The following TNFSF13B variants were observed in gnomAD, a reference collection of about 807,000 sequenced individuals.
TNFSF13B encodes TNF superfamily member 13b, also known as tumor necrosis factor ligand superfamily member 13B.
In TNFSF13B, 8 loss-of-function variants were observed where a neutral mutation model predicts 29.1. The observed-to-expected ratio is 0.27, with a 90% CI of 0.16 to 0.50. The LOEUF (loss-of-function observed/expected upper bound fraction) is 0.50, where lower values mean the gene tolerates loss of function less well. TNFSF13B is among the 20% of genes least tolerant of loss of function. The pLI, the probability that TNFSF13B is intolerant of heterozygous loss-of-function variation, is 0.98. For missense variants in TNFSF13B, 248 were observed against 334.9 expected, an observed-to-expected ratio of 0.74 and a Z score of 2.03; for synonymous variants, 125 against 130.8, an observed-to-expected ratio of 0.96 and a Z score of 0.30.
At position 108,298,965 on chromosome 13, in the gene TNFSF13B, G is replaced by C; in HGVS notation, c.482-4288G>C. Among the ~76,000 whole-genome samples the C allele has an allele frequency of 1.4e-5, 2 of 144,704 alleles. 1 individual carries two copies. Among genetic ancestry groups the C allele is most frequent in the Non-Finnish European group, 3.1e-5 (2 of 65,334 alleles). 94.9% of individuals were successfully genotyped at this position (144,704 alleles called of 152,430 possible). ...AGCCTGGGCGACAGAGCAAGACTTG[G>C]GAAAAACAAACAAACAAACAAACAA... On this transcript the variant is annotated intron_variant, in intron 3 of 5. Transcript: ENST00000375887.
At chr13:108,290,248 A>G (rs2391631) in intron 3 of TNFSF13B, among the ~76,000 whole-genome samples, 32,138 of 152,154 alleles carry the variant, frequency 0.21, 4,062 homozygotes, top group East Asian at 0.42. Context: ...AAAGCAGCAT[A>G]GTATTCCATT....
At chr13:108,299,964 C>T (rs1252754531) in intron 3 of TNFSF13B, among the ~76,000 whole-genome samples, 32 of 152,078 alleles carry the variant, frequency 2.1e-4, no homozygotes, top group African/African-American at 2.4e-5. Flanking sequence ...GCACCAGTGA[C>T]ATTTACTAAG....
Position 108,270,081 on chromosome 13 carries a change from G to A in TNFSF13B, c.186G>A (p.Thr62=). The change falls in exon 1 of 6, where the codon ACG becomes ACA. Residue 62 remains threonine (T), a synonymous_variant. Transcript: ENST00000375887. ...LLLALLSCCL[T]VVSFYQVAAL... ...TGGCACTGCTGTCTTGCTGCCTCACGGTGGTGTCTTTCTACCAGGTGGCCG... is the reference window on the plus strand; with the variant it reads ...TGGCACTGCTGTCTTGCTGCCTCACAGTGGTGTCTTTCTACCAGGTGGCCG... The A allele has an allele frequency of 2.5e-6, 4 of 1,606,108 alleles. No individual in the cohort carries two copies. The highest frequency in any genetic ancestry group is 3.4e-6 in the Non-Finnish European group (4 of 1,179,964).
Position 108,303,576 on chromosome 13 carries a change from A to G in TNFSF13B, c.717A>G (p.Thr239=). ...LFRCIQNMPE[T]LPNNSCYSAG... ...GATGTATTCAAAATATGCCTGAAAC[A>G]CTACCCAATAATTCCTGCTATTCAG... Residue 239 remains threonine, a synonymous_variant, in exon 5 of 6, where the codon ACA becomes ACG. Coordinates refer to ENST00000375887, the MANE Select transcript of TNFSF13B (RefSeq NM_006573.5). 6.2e-7 allele frequency: 1 copy of G among 1,613,468 alleles called. No homozygotes were observed. The highest frequency in any genetic ancestry group is 1.3e-5 in the African/African-American group (1 of 75,002).
Position 108,307,940 on chromosome 13 carries a change from G to A in TNFSF13B, c.*1002G>A, listed in dbSNP as rs925408607. On this transcript the variant is annotated 3_prime_UTR_variant, in exon 6 of 6. Coordinates refer to ENST00000375887, the MANE Select transcript of TNFSF13B (RefSeq NM_006573.5). ...TAATTAAAATTCTTGGCATCCTGAA[G>A]TATGTCACATAGCATGTGCTCCTTA... 2 of 152,162 alleles carry A rather than the reference G, an allele frequency of 1.3e-5. No individual in the cohort carries two copies. Among genetic ancestry groups the A allele is most frequent in the Non-Finnish European group, 2.9e-5 (2 of 67,958 alleles). The allele number at this position is 152,162 out of a possible 1,614,324, so 9.4% of individuals were successfully genotyped here.
chr13:108,289,399 G>A (rs574765231), intron 3 of TNFSF13B, among the ~76,000 whole-genome samples: 3 of 152,074 alleles, frequency 2.0e-5, no homozygotes, highest in African/African-American at 7.2e-5. Context: ...AAATGTGAGT[G>A]TGCATGGGCA....
chr13:108,284,844 AAATAGGTTG>A (rs1357203550), intron 2 of TNFSF13B, among the ~76,000 whole-genome samples: 2 of 152,176 alleles, frequency 1.3e-5, no homozygotes, highest in Non-Finnish European at 2.9e-5. Flanking sequence ...AACTCTTTTA[AAATAGGTTG>A]AATGTGGCTA....
At chr13:108,278,128 T>C (rs1880809685) in intron 2 of TNFSF13B, among the ~76,000 whole-genome samples, 1 of 152,212 alleles carries the variant, frequency 6.6e-6, no homozygotes, top group Non-Finnish European at 1.5e-5. Context: ...CTATTGATTA[T>C]AAATTCTGAT....
chr13:108,290,382 G>A (rs943427747), intron 3 of TNFSF13B, among the ~76,000 whole-genome samples: 2 of 152,136 alleles, frequency 1.3e-5, no homozygotes, highest in African/African-American at 2.4e-5. Flanking sequence ...CAGCCTATGT[G>A]TGGGACAGAT....
intron 3 of TNFSF13B, among the ~76,000 whole-genome samples, chr13:108,291,839 T>C (rs1368191289): frequency 2.0e-5 from 3 of 152,074 alleles, no homozygotes; most frequent in Non-Finnish European, 4.4e-5. Context: ...GTATTGTTTT[T>C]CATGTTAACA....
At chr13:108,303,206 C>A in intron 3 of TNFSF13B, 47 bp from the exon 4 acceptor site, 1 of 1,331,506 alleles carries the variant, frequency 7.5e-7, no homozygotes, top group Non-Finnish European at 1.0e-6. Context: ...GAGGTGAAAA[C>A]TGCTTTTCTT....
intron 2 of TNFSF13B, among the ~76,000 whole-genome samples, chr13:108,273,396 A>G: frequency 6.6e-6 from 1 of 152,330 alleles, no homozygotes; most frequent in South Asian, 2.1e-4. Flanking sequence ...CTATTTTCTT[A>G]TTACTATCAT....
intron 2 of TNFSF13B, among the ~76,000 whole-genome samples, chr13:108,282,456 A>T (rs1354586281): frequency 6.6e-6 from 1 of 152,200 alleles, no homozygotes; most frequent in Non-Finnish European, 1.5e-5. Flanking sequence ...ATTAAATGGT[A>T]TTTAGACATT....
Position 108,306,948 on chromosome 13 carries a change from A to T in TNFSF13B, c.*10A>T. The T allele has an allele frequency of 6.8e-7, 1 of 1,469,560 alleles. No individual in the cohort carries two copies. The highest frequency in any genetic ancestry group is 9.3e-7 in the Non-Finnish European group (1 of 1,078,322). The allele number at this position is 1,469,560 out of a possible 1,614,324, so 91.0% of individuals were successfully genotyped here. ...ATTGAAACTGCTGTGACCTACTTAC[A>T]CCATGTCTGTAGCTATTTTCCTCCC... On this transcript the variant is annotated 3_prime_UTR_variant, in exon 6 of 6. Coordinates refer to ENST00000375887, the MANE Select transcript of TNFSF13B (RefSeq NM_006573.5).
intron 2 of TNFSF13B, among the ~76,000 whole-genome samples, chr13:108,272,235 C>T (rs1041175392): frequency 6.6e-6 from 1 of 152,074 alleles, no homozygotes; most frequent in African/African-American, 2.4e-5. Flanking sequence ...ACTGTCTCCA[C>T]TTGTCTGTCC....
In TNFSF13B at chr13:108,305,729, G is replaced by T. The variant is rs140556016; in HGVS notation, c.746-1097G>T. Among the ~76,000 whole-genome samples the T allele has an allele frequency of 2.0e-3, 307 of 152,206 alleles. 1 individual carries two copies. The highest frequency in any genetic ancestry group is 7.1e-3 in the African/African-American group (295 of 41,530). Reference sequence around the variant, plus strand: ...TTCTGTCTTTGCCCATTACAAAAAAGCATACCCAGTGGGGATGGAAATTCT... The same window carrying T: ...TTCTGTCTTTGCCCATTACAAAAAATCATACCCAGTGGGGATGGAAATTCT... On this transcript the variant is annotated intron_variant, in intron 5 of 5. Transcript: ENST00000375887.
At chr13:108,278,568 A>C (rs1199932141) in intron 2 of TNFSF13B, among the ~76,000 whole-genome samples, 5 of 5,412 alleles carry the variant, frequency 9.2e-4, no homozygotes, top group Admixed American at 4.5e-3. Flanking sequence ...CTTTCTTCCT[A>C]CCCCCTCCTC....
intron 2 of TNFSF13B, among the ~76,000 whole-genome samples, chr13:108,280,863 C>A (rs1264376131): frequency 6.6e-6 from 1 of 152,116 alleles, no homozygotes; most frequent in Non-Finnish European, 1.5e-5. Context: ...TCTGTCTATA[C>A]AAACACACAC....
At chr13:108,290,555 T>C (rs1001914094) in intron 3 of TNFSF13B, among the ~76,000 whole-genome samples, 24 of 152,328 alleles carry the variant, frequency 1.6e-4, no homozygotes, top group African/African-American at 5.8e-4. Context: ...TTTCTGTCTT[T>C]ACATTCTTCC....
Sources: gnomAD v4.1 joint callset for allele counts (sites outside exome capture counted in the v4.1 genomes callset) on GRCh38, gnomAD v4.1.1 for gene constraint, MANE v1.5 for transcripts, NCBI Gene and HGNC (gene_info 2026-07-23, HGNC 2026-07-21) for gene names.